EYS: variants seen among roughly 807,000 people sequenced by gnomAD.
EYS encodes EGF-like photoreceptor maintenance factor.
In EYS, 250 loss-of-function variants were observed where a neutral mutation model predicts 282.1. The observed-to-expected ratio is 0.89, with a 90% confidence interval of 0.80 to 0.98. The LOEUF (loss-of-function observed/expected upper bound fraction) is 0.98. Ranked by LOEUF, EYS falls within the 50% of genes least tolerant of loss-of-function variation. EYS has a pLI of 0.00. For synonymous variants in EYS, 1,355 were observed against 1,282.9 expected (o/e 1.06, Z -1.20); for missense variants, 4,016 against 3,709.0 (o/e 1.08, Z -2.15).
At chr6:64,828,466 T>C (rs905256039) in intron 19 of EYS, among the ~76,000 whole-genome samples, 3 of 151,960 alleles carry the variant, frequency 2.0e-5, no homozygotes, top group Non-Finnish European at 4.4e-5. Context: ...TAAAGATATA[T>C]GTAGTGGAAA....
chr6:64,294,042 C>T (rs1768812318), intron 30 of EYS, among the ~76,000 whole-genome samples: 1 of 151,962 alleles, frequency 6.6e-6, no homozygotes, highest in Non-Finnish European at 1.5e-5. Context: ...ACAGGTGAAA[C>T]AAATGTAGGT....
At chr6:65,510,986 C>T (rs1274200594) in intron 2 of EYS, among the ~76,000 whole-genome samples, 2 of 151,998 alleles carry the variant, frequency 1.3e-5, no homozygotes, top group Non-Finnish European at 2.9e-5. Context: ...CACTTTAAGG[C>T]GAGGGTTAAT....
Position 65,370,184 on chromosome 6 carries a change from A to G in EYS, c.1299+14202T>C, listed in dbSNP as rs9363351. 1.6e-4 allele frequency among the ~76,000 whole-genome samples: 24 copies of G among 149,782 alleles called. 1 individual carries two copies. In the East Asian group the frequency reaches 4.3e-3, roughly 27 times the overall value. ...TGTCATAACATACTTAGCTTACGCA[A>G]TGCCTCTTCTTTCTTTCTTTCCCTC... On this transcript the variant is annotated intron_variant, in intron 8 of 42. Transcript: ENST00000503581.
intron 28 of EYS, among the ~76,000 whole-genome samples, chr6:64,405,456 A>G (rs1373921961): frequency 1.3e-5 from 2 of 152,174 alleles, no homozygotes; most frequent in Non-Finnish European, 2.9e-5. Context: ...CCTATTCAAC[A>G]TAGTATTAGA....
intron 29 of EYS, among the ~76,000 whole-genome samples, chr6:64,352,629 C>A (rs551978611): frequency 4.0e-5 from 6 of 151,454 alleles, no homozygotes; most frequent in Non-Finnish European, 8.9e-5. Context: ...TATCTGTTGA[C>A]AAGTTGGTTG....
intron 26 of EYS, among the ~76,000 whole-genome samples, chr6:64,571,803 A>G (rs1765735867): frequency 6.6e-6 from 1 of 152,186 alleles, no homozygotes; most frequent in Non-Finnish European, 1.5e-5. Context: ...CAACGAAAAA[A>G]TGCCCAGGAT....
chr6:63,907,350 G>A (rs1278857202), intron 35 of EYS, among the ~76,000 whole-genome samples: 1 of 152,084 alleles, frequency 6.6e-6, no homozygotes, highest in African/African-American at 2.4e-5. Context: ...TAGACACATG[G>A]CTGTGGGAGT....
intron 11 of EYS, among the ~76,000 whole-genome samples, chr6:65,326,658 T>C (rs1179859497): frequency 6.6e-6 from 1 of 151,612 alleles, no homozygotes; most frequent in Admixed American, 6.6e-5. Context: ...TTACCATATC[T>C]AAAACATTGA....
intron 26 of EYS, among the ~76,000 whole-genome samples, chr6:64,564,682 C>T (rs1453705281): frequency 6.6e-6 from 1 of 151,412 alleles, no homozygotes; most frequent in Non-Finnish European, 1.5e-5. Flanking sequence ...CAAACTGACA[C>T]AGGAACAGAA....
chr6:64,659,452 T>C (rs1305677280), intron 22 of EYS, among the ~76,000 whole-genome samples: 3 of 151,704 alleles, frequency 2.0e-5, no homozygotes, highest in African/African-American at 7.3e-5. Context: ...CAGGAGCTGG[T>C]TTTTTGAAAA....
chr6:65,284,464 T>C (rs1310810661), intron 12 of EYS, among the ~76,000 whole-genome samples: 1 of 152,100 alleles, frequency 6.6e-6, no homozygotes, highest in Non-Finnish European at 1.5e-5. Context: ...CCATGTATGC[T>C]TATAACTATT....
intron 26 of EYS, among the ~76,000 whole-genome samples, chr6:64,477,315 T>C (rs1263732615): frequency 6.6e-6 from 1 of 152,196 alleles, no homozygotes; most frequent in Non-Finnish European, 1.5e-5. Flanking sequence ...TACTTGAGCA[T>C]AGGGACATAA....
chr6:65,237,408 T>C (rs888049407), intron 12 of EYS, among the ~76,000 whole-genome samples: 1 of 152,176 alleles, frequency 6.6e-6, no homozygotes, highest in Non-Finnish European at 1.5e-5. Context: ...TGTATCATTA[T>C]AACTGAATGC....
chr6:65,275,679 A>G (rs2150269967), intron 12 of EYS, among the ~76,000 whole-genome samples: 1 of 152,292 alleles, frequency 6.6e-6, no homozygotes, highest in African/African-American at 2.4e-5. Flanking sequence ...GTTTGACTGG[A>G]TGATCTCAGA....
intron 12 of EYS, among the ~76,000 whole-genome samples, chr6:65,180,294 T>C (rs1765343057): frequency 6.6e-6 from 1 of 152,122 alleles, no homozygotes; most frequent in Non-Finnish European, 1.5e-5. Context: ...CATGATTGTA[T>C]ATCTAGAAAA....
chr6:63,872,612 G>A (rs932657308), intron 35 of EYS, among the ~76,000 whole-genome samples: 2 of 151,084 alleles, frequency 1.3e-5, no homozygotes, highest in Admixed American at 1.3e-4. Context: ...TCAAGTAGCT[G>A]GGATTACAGG....
At chr6:64,096,538 C>T (rs191141670) in intron 31 of EYS, among the ~76,000 whole-genome samples, 1 of 152,154 alleles carries the variant, frequency 6.6e-6, no homozygotes, top group Non-Finnish European at 1.5e-5. Flanking sequence ...TCCAGTTGAT[C>T]GAATCAGCTA....
intron 13 of EYS, among the ~76,000 whole-genome samples, chr6:65,046,767 G>C (rs1422334133): frequency 6.6e-6 from 1 of 151,822 alleles, no homozygotes; most frequent in Admixed American, 6.6e-5. Flanking sequence ...GATATGGTTT[G>C]GCTATGTGTT....
intron 11 of EYS, among the ~76,000 whole-genome samples, chr6:65,309,429 GC>G (rs1236557136): frequency 3.9e-5 from 6 of 152,194 alleles, no homozygotes; most frequent in African/African-American, 1.4e-4. Flanking sequence ...GAAACATGGG[GC>G]CTGATAGACT....
Sources: gnomAD v4.1 joint callset for allele counts (sites outside exome capture counted in the v4.1 genomes callset) on GRCh38, gnomAD v4.1.1 for gene constraint, MANE v1.5 for transcripts, NCBI Gene and HGNC (gene_info 2026-07-23, HGNC 2026-07-21) for gene names.